DEFB124: variants seen among roughly 807,000 people sequenced by gnomAD.
DEFB124 encodes beta-defensin 124.
For synonymous variants in DEFB124, 38 were observed against 36.5 expected (o/e 1.04, Z -0.15); for missense variants, 78 against 83.1 (o/e 0.94, Z 0.24).
intron 2 of DEFB124, among the ~76,000 whole-genome samples, chr20:31,472,372 C>T (rs979047690): frequency 3.4e-5 from 5 of 146,150 alleles, no homozygotes; most frequent in East Asian, 4.1e-4. Context: ...AGCTTCGGCT[C>T]GGCATCAGAG....
At chr20:31,471,134 G>A (rs1980277450) in intron 2 of DEFB124, among the ~76,000 whole-genome samples, 1 of 128,796 alleles carries the variant, frequency 7.8e-6, no homozygotes, top group Non-Finnish European at 1.7e-5. Context: ...CCGGGCGGGG[G>A]GTTGACCCCC....
chr20:31,472,005 G>A (rs1329087248), intron 2 of DEFB124, among the ~76,000 whole-genome samples: 1 of 152,206 alleles, frequency 6.6e-6, no homozygotes, highest in Non-Finnish European at 1.5e-5. Flanking sequence ...CGGGGTGGCG[G>A]CCGGGCAGAG....
chr20:31,473,004 G>T lies in DEFB124; in HGVS notation c.10C>A (p.Leu4Met). ...AGGAGAGCCACAAGGAACAGAAGCA[G>T]CTGTGTCATGGCCACGGGGCTCCTG... MTQ[L>M]LLFLVALLVL... Residue 4 changes from leucine (L) to methionine (M), a missense_variant, in exon 2 of 3, where the codon CTG becomes ATG. Coordinates refer to ENST00000317676, the MANE Select transcript of DEFB124 (RefSeq NM_001037500.2). The T allele has an allele frequency of 6.2e-7, 1 of 1,614,112 alleles. No individual in the cohort carries two copies. The highest frequency in any genetic ancestry group is 1.1e-5 in the South Asian group (1 of 91,082).
At chr20:31,472,813 T>C in intron 2 of DEFB124, 143 bp downstream of exon 2, 1 of 987,178 alleles carries the variant, frequency 1.0e-6, no homozygotes, top group Non-Finnish European at 1.4e-6. Context: ...TTGCTCTAAG[T>C]TGCCCACCAA....
rs1329846060 is a variant in DEFB124 at position 31,465,682 on chromosome 20, C to T, written c.59-19G>A. On this transcript the variant is annotated intron_variant, in intron 2 of 2. Coordinates refer to ENST00000317676, the MANE Select transcript of DEFB124 (RefSeq NM_001037500.2). ...CTTCTCCCTAAACAGAGGAAAACCA[C>T]AGGTCACAGAGCAGCCCATGGGTCA... 3 of 1,612,212 alleles carry T rather than the reference C, an allele frequency of 1.9e-6. No homozygotes were observed. Among genetic ancestry groups the T allele is most frequent in the Non-Finnish European group, 2.5e-6 (3 of 1,179,606 alleles).
In DEFB124 at chr20:31,470,357, C is replaced by CGGGGTGGCTGGCCGGGCGGG. The variant is rs1168876163; in HGVS notation, c.58+2579_58+2598dup. ...GCAGAGGCGCCCCTCACCCCCCGGA[C>CGGGGTGGCTGGCCGGGCGGG]GGGGTGGCTGGCCGGGCGGGGGGCT... On this transcript the variant is annotated intron_variant, in intron 2 of 2. Coordinates refer to ENST00000317676, the MANE Select transcript of DEFB124 (RefSeq NM_001037500.2). 9.2e-3 allele frequency among the ~76,000 whole-genome samples: 1,258 copies of CGGGGTGGCTGGCCGGGCGGG among 136,834 alleles called. 11 individuals are homozygous for CGGGGTGGCTGGCCGGGCGGG. Among genetic ancestry groups the CGGGGTGGCTGGCCGGGCGGG allele is most frequent in the Non-Finnish European group, 0.014 (889 of 61,876 alleles). The allele number at this position is 136,834 out of a possible 152,430, so 89.8% of individuals were successfully genotyped here.
At chr20:31,466,183 T>A (rs191076318) in intron 2 of DEFB124, among the ~76,000 whole-genome samples, 70 of 152,176 alleles carry the variant, frequency 4.6e-4, no homozygotes, top group Non-Finnish European at 7.5e-4. Flanking sequence ...ACTGATTTCT[T>A]GTCCAGGTAA....
At chr20:31,472,857 G>A (rs1980371634) in intron 2 of DEFB124, 99 bp downstream of exon 2, 2 of 1,423,680 alleles carry the variant, frequency 1.4e-6, no homozygotes, top group Admixed American at 5.3e-5. Flanking sequence ...AATGCTGATA[G>A]AGGCCCCTCT....
At chr20:31,473,165 T>C (rs1980380924) in intron 1 of DEFB124, 127 bp from the exon 2 acceptor site, 4 of 766,252 alleles carry the variant, frequency 5.2e-6, no homozygotes, top group South Asian at 1.9e-5. Context: ...TGAGGCCATG[T>C]GGTCCCCAGG....
chr20:31,474,251 C>A (rs997818614), intron 1 of DEFB124, among the ~76,000 whole-genome samples: 2 of 152,190 alleles, frequency 1.3e-5, no homozygotes, highest in African/African-American at 4.8e-5. Flanking sequence ...GATGGAAAAG[C>A]CAAGTCACCT....
intron 1 of DEFB124, among the ~76,000 whole-genome samples, 123 bp downstream of exon 1, chr20:31,474,504 C>T (rs2122461661): frequency 6.6e-6 from 1 of 152,350 alleles, no homozygotes; most frequent in East Asian, 1.9e-4. Context: ...TCTCCATGGG[C>T]TCCACACACA....
intron 2 of DEFB124, among the ~76,000 whole-genome samples, chr20:31,470,061 G>A (rs1195241423): frequency 1.5e-5 from 2 of 134,208 alleles, no homozygotes; most frequent in African/African-American, 3.1e-5. Flanking sequence ...GGACGGGGCG[G>A]CTGGACGGGC....
intron 2 of DEFB124, among the ~76,000 whole-genome samples, chr20:31,467,934 G>T (rs1312288397): frequency 2.6e-5 from 4 of 151,878 alleles, no homozygotes; most frequent in African/African-American, 9.7e-5. Flanking sequence ...TTTGTTTTTT[G>T]TAGAGATGGG....
rs374224668 is a variant in DEFB124, at chr20:31,472,989, C to T, written c.25G>A (p.Val9Met). MTQLLLFL[V>M]ALLVLGHVPS... ...ACATGACCCAGAACCAGGAGAGCCA[C>T]AAGGAACAGAAGCAGCTGTGTCATG... The change falls in exon 2 of 3, where the codon GTG becomes ATG. Residue 9 changes from valine to methionine, a missense_variant. Val to Met is a conservative substitution (Grantham distance 21). Coordinates refer to ENST00000317676, the MANE Select transcript of DEFB124 (RefSeq NM_001037500.2). The T allele has an allele frequency of 6.2e-7, 1 of 1,614,074 alleles. No homozygotes were observed. The highest frequency in any genetic ancestry group is 1.7e-5 in the Admixed American group (1 of 60,022).
At chr20:31,469,900 T>C (rs1488846984) in intron 2 of DEFB124, among the ~76,000 whole-genome samples, 2 of 146,620 alleles carry the variant, frequency 1.4e-5, no homozygotes, top group Admixed American at 1.3e-4. Context: ...TCCCCACCTT[T>C]CCTCCCTTTC....
intron 2 of DEFB124, among the ~76,000 whole-genome samples, chr20:31,472,340 C>G (rs1440940422): frequency 5.3e-5 from 8 of 151,266 alleles, no homozygotes; most frequent in Non-Finnish European, 1.2e-4. Context: ...TGCAGTGAGC[C>G]GAGATGGCAG....
intron 2 of DEFB124, 47 bp from the exon 3 acceptor site, chr20:31,465,710 C>T (rs1392107104): frequency 1.3e-6 from 2 of 1,596,074 alleles, no homozygotes; most frequent in South Asian, 1.1e-5. Flanking sequence ...ATGGGTCACA[C>T]GTTAGACCAC....
intron 1 of DEFB124, 55 bp from the exon 2 acceptor site, chr20:31,473,093 C>T (rs966313876): frequency 1.3e-6 from 2 of 1,525,824 alleles, no homozygotes; most frequent in Admixed American, 3.6e-5. Flanking sequence ...CTGCTTCCAG[C>T]CCAGGCTTTA....
chr20:31,470,861 G>A (rs1201805688), intron 2 of DEFB124, among the ~76,000 whole-genome samples: 1 of 139,196 alleles, frequency 7.2e-6, no homozygotes, highest in Non-Finnish European at 1.6e-5. Context: ...CCCGGACGGG[G>A]CGGCTGGCCG....
Sources: gnomAD v4.1 joint callset for allele counts (sites outside exome capture counted in the v4.1 genomes callset) on GRCh38, gnomAD v4.1.1 for gene constraint, MANE v1.5 for transcripts, NCBI Gene and HGNC (gene_info 2026-07-23, HGNC 2026-07-21) for gene names.